Variants in PRKG1 observed in about 807,000 individuals in gnomAD.
The protein encoded by PRKG1 is protein kinase cGMP-dependent 1, also known as cGMP-dependent protein kinase 1.
A neutral mutation model predicts 88.1 loss-of-function variants in PRKG1; 35 were observed. The observed-to-expected ratio is 0.40, with a 90% CI of 0.30 to 0.53. The LOEUF is 0.53. Among genes scored for constraint, PRKG1 ranks in the 20% least tolerant of loss-of-function variants. The probability of loss-of-function intolerance (pLI) is 0.59; values close to 1 mark genes in which losing one functional copy is unlikely to be tolerated. For missense variants in PRKG1, 540 were observed against 839.8 expected (o/e 0.64, Z 4.41); for synonymous variants, 303 against 292.5 (o/e 1.04, Z -0.37).
At chr10:51,115,314 G>A (rs1282571165) in intron 1 of PRKG1, among the ~76,000 whole-genome samples, 3 of 95,534 alleles carry the variant, frequency 3.1e-5, no homozygotes, top group African/African-American at 1.1e-4. Context: ...ACTCCATCTC[G>A]GGGCGGGGGG....
chr10:52,198,709 C>T (rs559575202), intron 9 of PRKG1, among the ~76,000 whole-genome samples: 103 of 152,008 alleles, frequency 6.8e-4, no homozygotes, highest in Non-Finnish European at 1.2e-3. Flanking sequence ...GGAGGAGAAT[C>T]AAGTTCTCTC....
intron 2 of PRKG1, among the ~76,000 whole-genome samples, chr10:51,314,355 G>A (rs1328336089): frequency 2.0e-5 from 3 of 151,602 alleles, no homozygotes; most frequent in African/African-American, 7.3e-5. Context: ...GGAGTTGGCA[G>A]GAAAAAAAAG....
At position 51,442,676 on chromosome 10, in the gene PRKG1, C is replaced by A. The variant is rs1410037672; in HGVS notation, c.479-25047C>A. 5.9e-5 allele frequency among the ~76,000 whole-genome samples: 9 copies of A among 151,990 alleles called. No individual in the cohort carries two copies. In the East Asian group the frequency reaches 1.7e-3, roughly 29 times the overall value. On this transcript the variant is annotated intron_variant, in intron 2 of 17. Coordinates refer to ENST00000373980, the MANE Select transcript of PRKG1 (RefSeq NM_006258.4). ...CTATGAATTTTAGAAAAAATACATT[C>A]CTTTCACTAATTGAGGGGAGTGAAA... is the stretch of plus-strand genomic sequence containing the variant.
At chr10:51,403,347 G>C (rs2132671973) in intron 2 of PRKG1, among the ~76,000 whole-genome samples, 1 of 152,220 alleles carries the variant, frequency 6.6e-6, no homozygotes, top group East Asian at 1.9e-4. Flanking sequence ...CATTTGATTA[G>C]ATTTCTTTAA....
At chr10:52,036,122 T>A (rs564761452) in intron 5 of PRKG1, among the ~76,000 whole-genome samples, 1 of 152,068 alleles carries the variant, frequency 6.6e-6, no homozygotes, top group Admixed American at 6.5e-5. Context: ...ATAGGGGCTG[T>A]CTGTGAAGCT....
intron 2 of PRKG1, among the ~76,000 whole-genome samples, chr10:51,184,499 G>A (rs1164888147): frequency 6.6e-6 from 1 of 152,122 alleles, no homozygotes; most frequent in Non-Finnish European, 1.5e-5. Flanking sequence ...TTATTCTGCA[G>A]TAGCCATGGT....
chr10:51,568,337 A>G (rs1024483560), intron 3 of PRKG1: 1 of 152,100 alleles, frequency 6.6e-6, no homozygotes, highest in Admixed American at 6.6e-5. Flanking sequence ...TCCTCTGAGG[A>G]GCAATTGGTT....
At chr10:51,760,276 A>G (rs1256317140) in intron 3 of PRKG1, among the ~76,000 whole-genome samples, 1 of 152,120 alleles carries the variant, frequency 6.6e-6, no homozygotes, top group Non-Finnish European at 1.5e-5. Flanking sequence ...TCAGGCTATC[A>G]CTGACTGTCA....
intron 1 of PRKG1, among the ~76,000 whole-genome samples, chr10:51,035,473 T>C (rs547297048): frequency 6.6e-6 from 1 of 152,296 alleles, no homozygotes; most frequent in African/African-American, 2.4e-5. Flanking sequence ...AAATCAGTTA[T>C]AGGTCAATAA....
intron 5 of PRKG1, among the ~76,000 whole-genome samples, chr10:51,928,221 G>A (rs371030804): frequency 1.3e-5 from 2 of 152,178 alleles, no homozygotes. Context: ...CACTCTGACT[G>A]ACATTTGAAT....
chr10:51,804,912 C>T (rs990495204), intron 4 of PRKG1, among the ~76,000 whole-genome samples: 15 of 151,960 alleles, frequency 9.9e-5, no homozygotes, highest in Admixed American at 3.3e-4. Context: ...ATTTCTGGTG[C>T]CAGTTTCCAT....
intron 2 of PRKG1, among the ~76,000 whole-genome samples, chr10:51,205,402 G>A (rs1252971704): frequency 1.3e-5 from 2 of 151,486 alleles, no homozygotes; most frequent in African/African-American, 4.9e-5. Flanking sequence ...CTCCCACAGT[G>A]CTGGGATTAC....
chr10:52,072,696 A>G (rs1468488314), intron 7 of PRKG1, among the ~76,000 whole-genome samples: 1 of 152,144 alleles, frequency 6.6e-6, no homozygotes, highest in Middle Eastern at 3.2e-3. Context: ...TTCCTCTCAT[A>G]ATAACGAATC....
chr10:52,140,431 T>A (rs1373529387), intron 8 of PRKG1, among the ~76,000 whole-genome samples: 2 of 152,108 alleles, frequency 1.3e-5, no homozygotes, highest in African/African-American at 4.8e-5. Context: ...TTCACTCTTC[T>A]GTACACATCT....
chr10:52,263,358 G>T (rs994530809), intron 10 of PRKG1, among the ~76,000 whole-genome samples: 8 of 152,148 alleles, frequency 5.3e-5, no homozygotes, highest in African/African-American at 1.9e-4. Flanking sequence ...ACTAGAAGTT[G>T]TAGATTCAAG....
At chr10:52,193,570 A>AC (rs1410709798) in intron 9 of PRKG1, among the ~76,000 whole-genome samples, 2 of 141,324 alleles carry the variant, frequency 1.4e-5, no homozygotes, top group Admixed American at 1.4e-4. Flanking sequence ...AAACAAAAAA[A>AC]AAAAACAAAA....
intron 3 of PRKG1, among the ~76,000 whole-genome samples, chr10:51,622,303 G>A (rs548920387): frequency 2.0e-5 from 3 of 152,274 alleles, no homozygotes; most frequent in African/African-American, 7.2e-5. Context: ...TGTCTTCAGG[G>A]AATATAGATG....
chr10:51,091,290 A>G (rs868164436), intron 1 of PRKG1, among the ~76,000 whole-genome samples: 1 of 152,182 alleles, frequency 6.6e-6, no homozygotes, highest in Non-Finnish European at 1.5e-5. Flanking sequence ...TTTTCACTAC[A>G]TTTATAGACT....
At chr10:51,768,009 TAA>T (rs532815967) in intron 3 of PRKG1, among the ~76,000 whole-genome samples, 1 of 146,096 alleles carries the variant, frequency 6.8e-6, no homozygotes, top group East Asian at 2.0e-4. Context: ...TGCTGTTAAT[TAA>T]AAAAAAAATA....
Sources: allele counts gnomAD v4.1 joint callset (sites outside exome capture counted in the v4.1 genomes callset), GRCh38; gene constraint gnomAD v4.1.1; transcripts MANE v1.5; gene names NCBI Gene and HGNC (gene_info 2026-07-23, HGNC 2026-07-21).